The following SCAF11 variants were observed in gnomAD, a reference collection of about 807,000 sequenced individuals.
The protein encoded by SCAF11 is protein SCAF11.
A neutral mutation model predicts 140.5 loss-of-function variants in SCAF11; 47 were observed. The observed-to-expected ratio is 0.33, with a 90% CI of 0.26 to 0.43. The LOEUF (loss-of-function observed/expected upper bound fraction) is 0.43, where lower values mean the gene tolerates loss of function less well. SCAF11 is among the 20% of genes least tolerant of loss of function. The pLI, the probability that SCAF11 is intolerant of heterozygous loss-of-function variation, is 1.00. For synonymous variants in SCAF11, 557 were observed against 579.4 expected (o/e 0.96, Z 0.55); for missense variants, 1,645 against 1,705.1 (o/e 0.96, Z 0.62).
chr12:45,968,026 G>C (rs932044808), intron 1 of SCAF11, among the ~76,000 whole-genome samples: 2 of 152,220 alleles, frequency 1.3e-5, no homozygotes, highest in Non-Finnish European at 2.9e-5. Flanking sequence ...TAAGAGGTAA[G>C]ATGTGGGTAG....
chr12:45,938,784 A>T (rs1945229327), intron 6 of SCAF11, among the ~76,000 whole-genome samples: 1 of 150,580 alleles, frequency 6.6e-6, no homozygotes, highest in African/African-American at 2.5e-5. Context: ...TTAAAGTCTG[A>T]CTAATTGATT....
In SCAF11 at chr12:45,928,643, T is replaced by C. The variant is rs1179233573; in HGVS notation, c.1058A>G (p.Asn353Ser). The change falls in exon 11 of 15, where the codon AAT becomes AGT. Residue 353 changes from asparagine (N) to serine (S), a missense_variant. Physicochemically the swap from Asn to Ser is conservative, Grantham distance 46. Transcript: ENST00000369367. ...TGAAGAGGGAACACTTAAAGATGGA[T>C]TACTGTTACCTGGGGCATCACACCC... is the stretch of plus-strand genomic sequence containing the variant. ...NSGCDAPGNS[N>S]PSLSVPSSAE... 1 of 1,614,134 alleles carries C rather than the reference T, an allele frequency of 6.2e-7. No homozygotes were observed. Among genetic ancestry groups the C allele is most frequent in the Non-Finnish European group, 8.5e-7 (1 of 1,180,006 alleles).
At chr12:45,972,871 TATATATATAG>T (rs1565688619) in intron 1 of SCAF11, among the ~76,000 whole-genome samples, 5 of 51,862 alleles carry the variant, frequency 9.6e-5, no homozygotes, top group African/African-American at 2.2e-4. Context: ...TATCGATATA[TATATATATAG>T]ATATATATAT....
At chr12:45,930,470 T>A (rs74529533) in intron 10 of SCAF11, among the ~76,000 whole-genome samples, 1 of 150,878 alleles carries the variant, frequency 6.6e-6, no homozygotes, top group African/African-American at 2.5e-5. Context: ...TTTTTTTTTT[T>A]TGAGACAGGC....
At chr12:45,933,253 C>T (rs780347537) in intron 8 of SCAF11, 21 bp from the exon 9 acceptor site, 3 of 1,535,836 alleles carry the variant, frequency 2.0e-6, no homozygotes, top group Admixed American at 3.5e-5. Context: ...AATTTTAGAC[C>T]TTCATCAGAA....
intron 1 of SCAF11, among the ~76,000 whole-genome samples, chr12:45,983,904 C>T (rs537089846): frequency 6.6e-6 from 1 of 152,100 alleles, no homozygotes; most frequent in South Asian, 2.1e-4. Context: ...TAGTCTTATC[C>T]CTAATAGAGA....
At chr12:45,935,614 GT>G (rs1945154752) in intron 6 of SCAF11, among the ~76,000 whole-genome samples, 1 of 152,088 alleles carries the variant, frequency 6.6e-6, no homozygotes, top group Admixed American at 6.5e-5. Flanking sequence ...GAGTTGTTTT[GT>G]TTCAGGTTGC....
upstream of SCAF11, chr12:45,990,622 C>T (rs1946579819): frequency 8.3e-7 from 1 of 1,204,844 alleles, no homozygotes; most frequent in Non-Finnish European, 1.0e-6. Flanking sequence ...CCCCTCCCTG[C>T]GCGTCTCCCT....
chr12:45,977,950 A>T (rs1012192798), intron 1 of SCAF11, among the ~76,000 whole-genome samples: 3 of 152,192 alleles, frequency 2.0e-5, no homozygotes, highest in African/African-American at 7.2e-5. Flanking sequence ...CCCTAATGAT[A>T]GCATGGGTGA....
At chr12:45,959,680 T>C (rs1945779202) in intron 3 of SCAF11, among the ~76,000 whole-genome samples, 2 of 152,232 alleles carry the variant, frequency 1.3e-5, no homozygotes, top group Admixed American at 1.3e-4. Context: ...TCTATTTTTA[T>C]CACAGCAATA....
rs1944677561 is a variant in SCAF11 at position 45,920,326 on chromosome 12, TCTTTA to T, written c.*1717_*1721del. 1 of 152,074 alleles carries T rather than the reference TCTTTA, an allele frequency of 6.6e-6. No homozygotes were observed. The highest frequency in any genetic ancestry group is 1.5e-5 in the Non-Finnish European group (1 of 67,914). 9.4% of individuals were successfully genotyped at this position (152,074 alleles called of 1,614,324 possible). On this transcript the variant is annotated 3_prime_UTR_variant, in exon 15 of 15. Coordinates refer to ENST00000369367, the MANE Select transcript of SCAF11 (RefSeq NM_004719.3). ...GCACATAAAATTGAGAAACAGATAA[TCTTTA>T]CTTTAGAAAAGCACAGTTCTACAGA...
At chr12:45,936,166 G>T (rs1398021062) in intron 6 of SCAF11, among the ~76,000 whole-genome samples, 1 of 149,190 alleles carries the variant, frequency 6.7e-6, no homozygotes, top group African/African-American at 2.5e-5. Flanking sequence ...TTTTGAAACA[G>T]AATCTCGCTT....
intron 1 of SCAF11, chr12:45,975,512 A>G (rs1247811147): frequency 1.1e-5 from 2 of 184,052 alleles, no homozygotes; most frequent in Admixed American, 6.1e-5. Context: ...TGTTATGGAG[A>G]TGGCTTCTTT....
At chr12:45,956,227 C>A in intron 3 of SCAF11, 2 of 708,874 alleles carry the variant, frequency 2.8e-6, no homozygotes, top group Non-Finnish European at 5.2e-6. Flanking sequence ...AAGACAAGTG[C>A]TTAAAGACTA....
At chr12:45,960,662 T>C (rs1945804429) in intron 3 of SCAF11, 1 of 152,152 alleles carries the variant, frequency 6.6e-6, no homozygotes, top group Admixed American at 6.5e-5. Flanking sequence ...AGTTTATATG[T>C]ATACTATTAT....
intron 6 of SCAF11, among the ~76,000 whole-genome samples, chr12:45,941,901 C>T (rs1292839757): frequency 6.6e-6 from 1 of 152,168 alleles, no homozygotes; most frequent in African/African-American, 2.4e-5. Context: ...CCCCTTCCAC[C>T]TTTTCTGCCA....
chr12:45,990,856 G>A (rs185374213), upstream of SCAF11, among the ~76,000 whole-genome samples: 5 of 152,358 alleles, frequency 3.3e-5, no homozygotes, highest in East Asian at 9.7e-4. Context: ...CGCTGGAGGG[G>A]CCTTCTGGGA....
At chr12:45,934,133 C>T in intron 8 of SCAF11, 43 bp downstream of exon 8, 5 of 986,226 alleles carry the variant, frequency 5.1e-6, no homozygotes, top group South Asian at 2.1e-5. Context: ...AATTATTAAA[C>T]ATCAAGTATA....
chr12:45,954,404 T>C (rs1212547893), intron 3 of SCAF11, among the ~76,000 whole-genome samples: 1 of 151,820 alleles, frequency 6.6e-6, no homozygotes, highest in Admixed American at 6.6e-5. Flanking sequence ...ACCCAGCTAA[T>C]TTTTGTATTT....
Sources: allele counts gnomAD v4.1 joint callset (sites outside exome capture counted in the v4.1 genomes callset), GRCh38; gene constraint gnomAD v4.1.1; transcripts MANE v1.5; gene names NCBI Gene and HGNC (gene_info 2026-07-23, HGNC 2026-07-21).